Variants in AMN1 observed in about 807,000 individuals in gnomAD.
AMN1 encodes antagonist of mitotic exit network 1 homolog, also known as protein AMN1 homolog.
A neutral mutation model predicts 33.0 loss-of-function variants in AMN1; 20 were observed. That is an observed-to-expected ratio of 0.61 (90% CI 0.43 to 0.88). The LOEUF (loss-of-function observed/expected upper bound fraction) is 0.88. Ranked by LOEUF, AMN1 falls within the 40% of genes least tolerant of loss-of-function variation. AMN1 has a pLI of 0.00. For missense variants in AMN1, 246 were observed against 307.4 expected, an observed-to-expected ratio of 0.80 and a Z score of 1.49; for synonymous variants, 114 against 111.9, an observed-to-expected ratio of 1.02 and a Z score of -0.12.
chr12:31,696,280 G>GTATTTATT (rs1555187227), intron 5 of AMN1, among the ~76,000 whole-genome samples: 124,111 of 149,952 alleles, frequency 0.83, 51,559 homozygotes, highest in African/African-American at 0.89. Context: ...AAATAAAAAA[G>GTATTTATT]TATTTATTTA....
At chr12:31,728,926 A>G in intron 1 of AMN1, 45 bp downstream of exon 1, 1 of 1,529,358 alleles carries the variant, frequency 6.5e-7, no homozygotes. Context: ...CGTTTGGAGG[A>G]GGTGCTGGGG....
intron 6 of AMN1, chr12:31,673,426 A>C (rs1849017155): frequency 6.1e-6 from 1 of 165,146 alleles, no homozygotes; most frequent in African/African-American, 2.4e-5. Context: ...TTTTTAAAAA[A>C]GCAGCTAGTA....
intron 6 of AMN1, among the ~76,000 whole-genome samples, chr12:31,684,556 G>A (rs1252020472): frequency 1.3e-5 from 2 of 149,776 alleles, no homozygotes; most frequent in East Asian, 2.0e-4. Flanking sequence ...CTGCAAGCTC[G>A]GCCTCCCAAG....
intron 2 of AMN1, among the ~76,000 whole-genome samples, chr12:31,705,069 G>A (rs1939166275): frequency 6.6e-6 from 1 of 152,098 alleles, no homozygotes; most frequent in Non-Finnish European, 1.5e-5. Context: ...CACCACTAAG[G>A]TATCTATGTT....
intron 5 of AMN1, among the ~76,000 whole-genome samples, chr12:31,691,081 T>C (rs1427252135): frequency 6.7e-6 from 1 of 148,920 alleles, no homozygotes; most frequent in Non-Finnish European, 1.5e-5. Flanking sequence ...GAGGTTGCAG[T>C]GAGCCGAGAT....
chr12:31,716,991 T>C (rs538575849), intron 1 of AMN1, among the ~76,000 whole-genome samples: 1 of 152,348 alleles, frequency 6.6e-6, no homozygotes. Context: ...CTTTTTGACT[T>C]ACAAACCACC....
chr12:31,680,112 A>C (rs1010587559), intron 6 of AMN1, among the ~76,000 whole-genome samples: 5 of 149,362 alleles, frequency 3.3e-5, no homozygotes, highest in African/African-American at 1.2e-4. Flanking sequence ...CAAAGAGTGA[A>C]ACTCCATCTC....
rs1403759954 is a variant in AMN1 at position 31,671,349 on chromosome 12, A to G, written c.*955T>C. ...ATAAGTACCCCCCAACATATACAAG[A>G]AAGTTAGCATACTTACCCCGTTTTT... On this transcript the variant is annotated 3_prime_UTR_variant, in exon 7 of 7. Transcript: ENST00000281471. 1 of 152,184 alleles carries G rather than the reference A, an allele frequency of 6.6e-6. No homozygotes were observed. The highest frequency in any genetic ancestry group is 1.5e-5 in the Non-Finnish European group (1 of 68,032). The allele number at this position is 152,184 out of a possible 1,614,324, so 9.4% of individuals were successfully genotyped here.
At chr12:31,709,506 C>T in intron 1 of AMN1, 81 bp from the exon 2 acceptor site, 2 of 1,479,752 alleles carry the variant, frequency 1.4e-6, no homozygotes, top group Non-Finnish European at 1.8e-6. Context: ...TTTGTTAGCA[C>T]TTAGCCCTTT....
At chr12:31,708,854 G>A (rs972223301) in intron 2 of AMN1, 1 of 195,040 alleles carries the variant, frequency 5.1e-6, no homozygotes, top group African/African-American at 2.4e-5. Flanking sequence ...TATCTGGAGG[G>A]AAAAAAACAA....
intron 6 of AMN1, 44 bp from the exon 7 acceptor site, chr12:31,672,421 A>G: frequency 7.5e-7 from 1 of 1,337,346 alleles, no homozygotes; most frequent in Non-Finnish European, 1.0e-6. Context: ...ACAATAAAAA[A>G]TGTTTAATGT....
intron 2 of AMN1, among the ~76,000 whole-genome samples, chr12:31,704,105 TTAA>T (rs1401316458): frequency 6.6e-6 from 1 of 152,228 alleles, no homozygotes; most frequent in Non-Finnish European, 1.5e-5. Flanking sequence ...AATTGTTGAA[TTAA>T]TAATAAGCAA....
Position 31,697,348 on chromosome 12 carries a change from G to C in AMN1, c.591+13C>G. 1.2e-6 allele frequency: 2 copies of C among 1,606,412 alleles called. No homozygotes were observed. Among genetic ancestry groups the C allele is most frequent in the South Asian group, 1.1e-5 (1 of 90,000 alleles). ...TTTAATCACCACCATCTTTATAATT[G>C]TTTTAAAATTACCTCTAATTTCTTC... On this transcript the variant is annotated intron_variant, in intron 5 of 6. Transcript: ENST00000281471.
chr12:31,724,673 A>G (rs1010527427), intron 1 of AMN1, among the ~76,000 whole-genome samples: 10 of 152,146 alleles, frequency 6.6e-5, no homozygotes, highest in African/African-American at 2.2e-4. Flanking sequence ...TTCCTACAAC[A>G]TGGCTCTCTG....
At chr12:31,680,881 C>T (rs117120678) in intron 6 of AMN1, among the ~76,000 whole-genome samples, 1,953 of 152,114 alleles carry the variant, frequency 0.013, 19 homozygotes, top group South Asian at 0.045. Flanking sequence ...TAAGGTGTCA[C>T]GAAAGAAGAA....
intron 6 of AMN1, among the ~76,000 whole-genome samples, chr12:31,688,114 C>T (rs1206477408): frequency 6.6e-6 from 1 of 152,136 alleles, no homozygotes; most frequent in African/African-American, 2.4e-5. Flanking sequence ...ACCACCACAC[C>T]TGGCTAATTT....
At chr12:31,675,248 T>C (rs1304730214) in intron 6 of AMN1, among the ~76,000 whole-genome samples, 1 of 151,568 alleles carries the variant, frequency 6.6e-6, no homozygotes, top group Non-Finnish European at 1.5e-5. Context: ...TGAGACCCTG[T>C]CTCTGCGAAA....
intron 5 of AMN1, among the ~76,000 whole-genome samples, chr12:31,695,755 G>A (rs1938696103): frequency 6.6e-6 from 1 of 151,420 alleles, no homozygotes; most frequent in Non-Finnish European, 1.5e-5. Flanking sequence ...CCAAAGTGCT[G>A]GGATTATAGG....
At chr12:31,685,993 T>C (rs562941855) in intron 6 of AMN1, among the ~76,000 whole-genome samples, 1 of 152,252 alleles carries the variant, frequency 6.6e-6, no homozygotes, top group South Asian at 2.1e-4. Flanking sequence ...TAAGCTTTCC[T>C]GGTGTCTGAA....
Sources: allele counts gnomAD v4.1 joint callset (sites outside exome capture counted in the v4.1 genomes callset), GRCh38; gene constraint gnomAD v4.1.1; transcripts MANE v1.5; gene names NCBI Gene and HGNC (gene_info 2026-07-23, HGNC 2026-07-21).